MGAT4C: variants seen among roughly 807,000 people sequenced by gnomAD.
The protein encoded by MGAT4C is MGAT4 family member C, also known as alpha-1,3-mannosyl-glycoprotein 4-beta-N-acetylglucosaminyltransferase C.
In MGAT4C, 19 loss-of-function variants were observed where a neutral mutation model predicts 40.1. That is an observed-to-expected ratio of 0.47 (90% CI 0.33 to 0.70). The LOEUF (loss-of-function observed/expected upper bound fraction) is 0.70. MGAT4C is among the 30% of genes least tolerant of loss of function. The pLI is 0.02. For synonymous variants in MGAT4C, 181 were observed against 187.1 expected (o/e 0.97, Z 0.27); for missense variants, 491 against 563.2 (o/e 0.87, Z 1.30).
At chr12:85,987,667 G>T (rs1421642244) in intron 3 of MGAT4C, among the ~76,000 whole-genome samples, 1 of 152,092 alleles carries the variant, frequency 6.6e-6, no homozygotes, top group Non-Finnish European at 1.5e-5. Context: ...TTTTCTAATT[G>T]ACATATACTC....
chr12:86,751,008 A>G (rs1372500362), intron 1 of MGAT4C, among the ~76,000 whole-genome samples: 4 of 151,966 alleles, frequency 2.6e-5, no homozygotes, highest in Non-Finnish European at 5.9e-5. Flanking sequence ...AATAGCTCAT[A>G]CCGTAAGAGC....
chr12:86,171,553 AT>A (rs1160612833), intron 1 of MGAT4C, among the ~76,000 whole-genome samples: 1 of 152,170 alleles, frequency 6.6e-6, no homozygotes, highest in Non-Finnish European at 1.5e-5. Context: ...GGAGTTTATA[AT>A]TTCCATTTAA....
At chr12:86,063,873 C>T (rs917124903) in intron 1 of MGAT4C, among the ~76,000 whole-genome samples, 13 of 152,176 alleles carry the variant, frequency 8.5e-5, no homozygotes, top group Non-Finnish European at 8.8e-5. Flanking sequence ...TATATGCACC[C>T]GTGCAGGAGC....
intron 1 of MGAT4C, among the ~76,000 whole-genome samples, chr12:86,214,894 A>G (rs1220042548): frequency 6.6e-6 from 1 of 152,232 alleles, no homozygotes; most frequent in Non-Finnish European, 1.5e-5. Flanking sequence ...AATGTAAGTA[A>G]CTTTCATTTG....
At chr12:86,421,484 T>C (rs1956824595) in intron 3 of MGAT4C, among the ~76,000 whole-genome samples, 1 of 152,168 alleles carries the variant, frequency 6.6e-6, no homozygotes, top group African/African-American at 2.4e-5. Flanking sequence ...TAAAAGACCT[T>C]GGATTGGCCT....
At chr12:86,449,815 T>C (rs1041986966) in intron 2 of MGAT4C, among the ~76,000 whole-genome samples, 13 of 152,196 alleles carry the variant, frequency 8.5e-5, no homozygotes, top group Non-Finnish European at 2.9e-5. Flanking sequence ...TATGACCACA[T>C]CTAATTTACC....
chr12:85,984,354 A>G (rs1365675646), intron 3 of MGAT4C, among the ~76,000 whole-genome samples: 3 of 151,406 alleles, frequency 2.0e-5, no homozygotes, highest in Admixed American at 1.3e-4. Flanking sequence ...TCTATGACTA[A>G]TATTTCTTAT....
At chr12:86,477,767 C>G (rs560620275) in intron 2 of MGAT4C, among the ~76,000 whole-genome samples, 2 of 152,018 alleles carry the variant, frequency 1.3e-5, no homozygotes, top group African/African-American at 2.4e-5. Context: ...CACAACAGGC[C>G]CCGGTGTGTG....
chr12:86,171,421 C>T (rs1886836703), intron 1 of MGAT4C, among the ~76,000 whole-genome samples: 1 of 152,028 alleles, frequency 6.6e-6, no homozygotes, highest in Non-Finnish European at 1.5e-5. Context: ...CATGGGGATA[C>T]AACATGCAGA....
chr12:86,582,992 GCA>G (rs1489574785), intron 2 of MGAT4C, among the ~76,000 whole-genome samples: 1 of 151,194 alleles, frequency 6.6e-6, no homozygotes, highest in Non-Finnish European at 1.5e-5. Context: ...TAAGAAAATG[GCA>G]CAAACTGGGA....
At chr12:86,628,926 C>A (rs763646369) in intron 2 of MGAT4C, among the ~76,000 whole-genome samples, 12 of 151,918 alleles carry the variant, frequency 7.9e-5, no homozygotes, top group Non-Finnish European at 1.8e-4. Context: ...GGACTAAATT[C>A]CCCAATTAAA....
intron 1 of MGAT4C, among the ~76,000 whole-genome samples, chr12:86,775,553 T>C (rs1951734620): frequency 6.6e-6 from 1 of 151,446 alleles, no homozygotes; most frequent in Non-Finnish European, 1.5e-5. Flanking sequence ...GTCAGACATA[T>C]GAGCAAATAA....
intron 2 of MGAT4C, among the ~76,000 whole-genome samples, chr12:86,044,396 G>A (rs773115002): frequency 5.3e-5 from 8 of 152,194 alleles, no homozygotes; most frequent in Non-Finnish European, 8.8e-5. Context: ...CATGTTCATT[G>A]GTCGGGCTGG....
intron 1 of MGAT4C, among the ~76,000 whole-genome samples, chr12:86,734,307 G>A (rs1473444905): frequency 6.6e-6 from 1 of 152,080 alleles, no homozygotes; most frequent in African/African-American, 2.4e-5. Context: ...TGATCAGAAG[G>A]AGACTGTGAC....
At chr12:86,465,266 A>C (rs1288170296) in intron 2 of MGAT4C, among the ~76,000 whole-genome samples, 1 of 152,212 alleles carries the variant, frequency 6.6e-6, no homozygotes, top group Admixed American at 6.5e-5. Context: ...GCAAAACTAT[A>C]AAACTCCTAG....
intron 2 of MGAT4C, among the ~76,000 whole-genome samples, chr12:86,437,923 T>G (rs1957165145): frequency 6.6e-6 from 1 of 151,886 alleles, no homozygotes; most frequent in African/African-American, 2.4e-5. Context: ...CCCTGTTCCC[T>G]GAGACACAAA....
chr12:86,317,810 C>T (rs1342455457), intron 4 of MGAT4C, among the ~76,000 whole-genome samples: 1 of 151,372 alleles, frequency 6.6e-6, no homozygotes, highest in African/African-American at 2.4e-5. Flanking sequence ...AGAGACATTA[C>T]ATTCGAGGTT....
At chr12:86,810,813 C>G (rs1952457253) in intron 1 of MGAT4C, among the ~76,000 whole-genome samples, 1 of 151,934 alleles carries the variant, frequency 6.6e-6, no homozygotes. Flanking sequence ...TGATTTTGTA[C>G]TATCTTTGTC....
At chr12:86,214,301 T>C (rs1377977345) in intron 1 of MGAT4C, among the ~76,000 whole-genome samples, 1 of 150,646 alleles carries the variant, frequency 6.6e-6, no homozygotes, top group Non-Finnish European at 1.5e-5. Context: ...TTTCCCCTAG[T>C]GACAATTAGG....
Sources: allele counts gnomAD v4.1 joint callset (sites outside exome capture counted in the v4.1 genomes callset), GRCh38; gene constraint gnomAD v4.1.1; transcripts MANE v1.5; gene names NCBI Gene and HGNC (gene_info 2026-07-23, HGNC 2026-07-21).